Variants in SSH2 observed in about 807,000 individuals in gnomAD.
SSH2 encodes protein phosphatase Slingshot homolog 2.
A neutral mutation model predicts 135.2 loss-of-function variants in SSH2; 37 were observed. The observed-to-expected ratio is 0.27, with a 90% confidence interval of 0.21 to 0.36. The LOEUF is 0.36. Ranked by LOEUF, SSH2 falls within the 10% of genes least tolerant of loss-of-function variation. The pLI is 1.00. For synonymous variants in SSH2, 628 were observed against 646.2 expected, an observed-to-expected ratio of 0.97 and a Z score of 0.43; for missense variants, 1,408 against 1,765.3, an observed-to-expected ratio of 0.80 and a Z score of 3.63.
At chr17:29,898,352 G>T (rs1665236526) in intron 1 of SSH2, among the ~76,000 whole-genome samples, 1 of 151,920 alleles carries the variant, frequency 6.6e-6, no homozygotes, top group African/African-American at 2.4e-5. Flanking sequence ...CTGGTTTTTT[G>T]AAAAGATCAA....
At chr17:29,714,437 T>TTTC in intron 3 of SSH2, among the ~76,000 whole-genome samples, 1 of 152,346 alleles carries the variant, frequency 6.6e-6, no homozygotes, top group South Asian at 2.1e-4. Context: ...CAAACCCTGC[T>TTTC]TTCAGACCAT....
intron 1 of SSH2, among the ~76,000 whole-genome samples, chr17:29,904,548 C>T (rs1027327164): frequency 2.0e-5 from 3 of 152,074 alleles, no homozygotes; most frequent in Non-Finnish European, 2.9e-5. Flanking sequence ...CAATATCATA[C>T]TGAATGGGTA....
At chr17:29,825,473 T>C (rs1476693885) in intron 2 of SSH2, among the ~76,000 whole-genome samples, 1 of 152,252 alleles carries the variant, frequency 6.6e-6, no homozygotes, top group African/African-American at 2.4e-5. Flanking sequence ...ACATGTTTTA[T>C]GTGGCATGAA....
At position 29,750,413 on chromosome 17, in the gene SSH2, T is replaced by C. The variant is rs555862679; in HGVS notation, c.188+43481A>G. ...GAGATCATGCTACTGCACTCCAGCATGGGCAACTGAGTGAGACTCTGTCTC... is the reference window on the plus strand; with the variant it reads ...GAGATCATGCTACTGCACTCCAGCACGGGCAACTGAGTGAGACTCTGTCTC... On this transcript the variant is annotated intron_variant, in intron 3 of 15. Coordinates refer to ENST00000540801, the MANE Select transcript of SSH2 (RefSeq NM_001282129.2). 2.7e-5 allele frequency among the ~76,000 whole-genome samples: 4 copies of C among 145,736 alleles called. No individual in the cohort carries two copies. In the East Asian group the frequency reaches 6.0e-4, roughly 22 times the overall value.
chr17:29,920,376 T>C (rs904427308), intron 1 of SSH2, among the ~76,000 whole-genome samples: 2 of 152,222 alleles, frequency 1.3e-5, no homozygotes, highest in Non-Finnish European at 2.9e-5. Flanking sequence ...GCTTCCCAGG[T>C]ACTTGAGTGA....
At position 29,631,768 on chromosome 17, in the gene SSH2, T is replaced by C. The variant is rs112375539; in HGVS notation, c.3426A>G (p.Ala1142=). Residue 1142 remains alanine, a synonymous_variant, in exon 16 of 16, where the codon GCA becomes GCG. Coordinates refer to ENST00000540801, the MANE Select transcript of SSH2 (RefSeq NM_001282129.2). ...SSLSTALETA[A]PFVSHTTHLL... ...AATGGGTTGTATGACTGACAAAAGG[T>C]GCTGCTGTCTCCAGGGCTGTGGACA... is the stretch of plus-strand genomic sequence containing the variant. 6.2e-7 allele frequency: 1 copy of C among 1,614,180 alleles called. No homozygotes were observed. Among genetic ancestry groups the C allele is most frequent in the Middle Eastern group, 1.6e-4 (1 of 6,062 alleles).
intron 4 of SSH2, among the ~76,000 whole-genome samples, chr17:29,701,791 G>A (rs1598835443): frequency 6.7e-6 from 1 of 149,758 alleles, no homozygotes; most frequent in African/African-American, 2.5e-5. Context: ...GGCTGGTCTC[G>A]AACTTCTGAC....
Position 29,666,915 on chromosome 17 carries a change from G to T in SSH2, c.984C>A (p.Ile328=). Residue 328 remains isoleucine (I), a synonymous_variant, in exon 11 of 16, where the codon ATC becomes ATA. Transcript: ENST00000540801. ...GTGTAGGGCTATCCATTTGACCAAG[G>T]ATCACTATCATTTCATTGTCTATAA... ...KEFIDNEMIV[I]LGQMDSPTQI... is the part of the protein sequence containing the mutation. The T allele has an allele frequency of 6.2e-7, 1 of 1,614,092 alleles. No individual in the cohort carries two copies. Among genetic ancestry groups the T allele is most frequent in the Non-Finnish European group, 8.5e-7 (1 of 1,180,008 alleles).
intron 2 of SSH2, among the ~76,000 whole-genome samples, chr17:29,844,066 TTTTTC>T (rs1040410544): frequency 2.0e-5 from 3 of 152,190 alleles, no homozygotes; most frequent in South Asian, 2.1e-4. Flanking sequence ...AGGGGGTGGC[TTTTTC>T]TTTTCTTTAA....
At chr17:29,660,051 A>G (rs2036964325) in intron 11 of SSH2, among the ~76,000 whole-genome samples, 1 of 150,754 alleles carries the variant, frequency 6.6e-6, no homozygotes, top group Non-Finnish European at 1.5e-5. Flanking sequence ...GATGGTCTCA[A>G]TTTCCTGACC....
At chr17:29,663,132 C>T (rs1431482789) in intron 11 of SSH2, among the ~76,000 whole-genome samples, 1 of 152,188 alleles carries the variant, frequency 6.6e-6, no homozygotes, top group Non-Finnish European at 1.5e-5. Flanking sequence ...CTCAATGCAG[C>T]TTTTATTTAA....
At chr17:29,684,707 G>A (rs747638749) in intron 5 of SSH2, 23 bp from the exon 6 acceptor site, 52 of 1,597,576 alleles carry the variant, frequency 3.3e-5, no homozygotes, top group Non-Finnish European at 4.2e-5. Flanking sequence ...AGACAACAGA[G>A]AAATTATGAA....
In SSH2 at chr17:29,667,347, T is replaced by C. The variant is rs112896810; in HGVS notation, c.810-124A>G. On this transcript the variant is annotated intron_variant, in intron 9 of 15. Transcript: ENST00000540801. ...AGGCAAATCCTTTTCCAAAATCGGT[T>C]CTAGAGATCAACAACTTAGAGCGTG... 3.8e-3 allele frequency: 2,806 copies of C among 745,358 alleles called. 39 individuals carry two copies. Among genetic ancestry groups the C allele is most frequent in the African/African-American group, 0.037 (2,067 of 56,302 alleles). 46.2% of individuals were successfully genotyped at this position (745,358 alleles called of 1,614,324 possible).
At chr17:29,651,495 C>G (rs776393375) in intron 12 of SSH2, among the ~76,000 whole-genome samples, 2 of 152,186 alleles carry the variant, frequency 1.3e-5, no homozygotes, top group Non-Finnish European at 1.5e-5. Context: ...AAACAGTCTT[C>G]TATTATCTTT....
chr17:29,704,867 T>C (rs1243478799), intron 3 of SSH2, among the ~76,000 whole-genome samples: 1 of 152,186 alleles, frequency 6.6e-6, no homozygotes, highest in Non-Finnish European at 1.5e-5. Context: ...AACTCACAAA[T>C]AGCCAAGTTT....
intron 3 of SSH2, chr17:29,761,073 G>T: frequency 7.9e-7 from 1 of 1,264,370 alleles, no homozygotes; most frequent in Non-Finnish European, 1.0e-6. Context: ...TGCTCCCCAG[G>T]ATGCTGGGGA....
intron 2 of SSH2, among the ~76,000 whole-genome samples, chr17:29,796,551 A>G (rs2042159641): frequency 6.6e-6 from 1 of 152,112 alleles, no homozygotes; most frequent in Non-Finnish European, 1.5e-5. Flanking sequence ...CATGTTGGCC[A>G]GGCTGGTCTC....
chr17:29,698,352 G>A (rs764619311), intron 4 of SSH2, among the ~76,000 whole-genome samples: 24 of 152,164 alleles, frequency 1.6e-4, no homozygotes, highest in Non-Finnish European at 2.5e-4. Context: ...TATATGGTAT[G>A]TGGATTATAT....
intron 2 of SSH2, among the ~76,000 whole-genome samples, chr17:29,819,844 A>G (rs567579896): frequency 6.6e-5 from 10 of 152,360 alleles, no homozygotes; most frequent in Admixed American, 3.9e-4. Context: ...CTATGTAAAA[A>G]TATTCAGATC....
Sources: allele counts gnomAD v4.1 joint callset (sites outside exome capture counted in the v4.1 genomes callset), GRCh38; gene constraint gnomAD v4.1.1; transcripts MANE v1.5; gene names NCBI Gene and HGNC (gene_info 2026-07-23, HGNC 2026-07-21).